KCNMA1: variants seen among roughly 807,000 people sequenced by gnomAD.
The protein encoded by KCNMA1 is Calcium-activated potassium channel subunit alpha-1.
KCNMA1 carries 29 observed loss-of-function variants against 140.0 expected under a neutral mutation model. That is an observed-to-expected ratio of 0.21 (90% CI 0.15 to 0.28). The LOEUF (loss-of-function observed/expected upper bound fraction) is 0.28, where lower values mean the gene tolerates loss of function less well. Among genes scored for constraint, KCNMA1 ranks in the 10% least tolerant of loss-of-function variants. The pLI, the probability that KCNMA1 is intolerant of heterozygous loss-of-function variation, is 1.00. For missense variants in KCNMA1, 880 were observed against 1,602.2 expected (o/e 0.55, Z 7.70); for synonymous variants, 612 against 611.9 (o/e 1.00, Z 0.00).
chr10:76,920,010 GTGTGTGTGTGTATATA>G (rs1173424387), intron 23 of KCNMA1, among the ~76,000 whole-genome samples: 6 of 54,812 alleles, frequency 1.1e-4, no homozygotes, highest in Admixed American at 7.3e-4. Context: ...GTGTGTGTGT[GTGTGTGTGTGTATATA>G]TATATATATA....
intron 3 of KCNMA1, among the ~76,000 whole-genome samples, chr10:77,205,866 G>C (rs1226201017): frequency 6.6e-6 from 1 of 152,166 alleles, no homozygotes; most frequent in Middle Eastern, 3.2e-3. Flanking sequence ...GTTATCACTA[G>C]CTTCTGAAGT....
chr10:77,019,521 G>C (rs2092583015), intron 16 of KCNMA1: 1 of 225,884 alleles, frequency 4.4e-6, no homozygotes, highest in Admixed American at 5.2e-5. Flanking sequence ...AAATGACAGA[G>C]CATTAATGGG....
intron 2 of KCNMA1, among the ~76,000 whole-genome samples, chr10:77,294,997 T>C (rs1209698094): frequency 6.6e-6 from 1 of 152,064 alleles, no homozygotes. Flanking sequence ...AAAGTAAAAA[T>C]ATGTTGTAGC....
intron 1 of KCNMA1, among the ~76,000 whole-genome samples, chr10:77,490,395 T>C (rs1433193774): frequency 1.3e-5 from 2 of 152,232 alleles, no homozygotes; most frequent in Non-Finnish European, 2.9e-5. Flanking sequence ...TTCCAGCAAG[T>C]GGCTCCAGCT....
chr10:76,957,317 C>G (rs1298163061), intron 20 of KCNMA1, among the ~76,000 whole-genome samples: 1 of 151,912 alleles, frequency 6.6e-6, no homozygotes, highest in Non-Finnish European at 1.5e-5. Context: ...ACCATACCAC[C>G]TAACCTAAGG....
At chr10:77,329,370 G>A (rs2085453965) in intron 2 of KCNMA1, among the ~76,000 whole-genome samples, 1 of 152,178 alleles carries the variant, frequency 6.6e-6, no homozygotes, top group South Asian at 2.1e-4. Flanking sequence ...TAGGTCATGA[G>A]AAGGATCTCT....
chr10:77,627,781 G>A (rs2154570621), intron 1 of KCNMA1, among the ~76,000 whole-genome samples: 1 of 152,314 alleles, frequency 6.6e-6, no homozygotes, highest in Non-Finnish European at 1.5e-5. Context: ...TCATCGTAAG[G>A]TGGGTTTGTC....
chr10:77,086,642 T>G, intron 10 of KCNMA1, 49 bp from the exon 11 acceptor site: 20 of 1,349,736 alleles, frequency 1.5e-5, no homozygotes, highest in Non-Finnish European at 1.9e-5. Context: ...ACTCGGGGGT[T>G]TCAGCCTCCA....
Position 77,115,812 on chromosome 10 carries a change from G to A in KCNMA1, c.885-3370C>T, listed in dbSNP as rs1471871176. On this transcript the variant is annotated intron_variant, in intron 6 of 27. Transcript: ENST00000286628. ...AAATCTGATTATTTTTATGACATCAGTATTATCACAGATCCCTAGGTTTAG... is the reference window on the plus strand; with the variant it reads ...AAATCTGATTATTTTTATGACATCAATATTATCACAGATCCCTAGGTTTAG... Among the ~76,000 whole-genome samples the A allele has an allele frequency of 2.6e-5, 4 of 152,184 alleles. No homozygotes were observed. In the East Asian group the frequency reaches 7.7e-4, roughly 29 times the overall value.
intron 1 of KCNMA1, among the ~76,000 whole-genome samples, chr10:77,480,306 A>C (rs2098365427): frequency 6.6e-6 from 1 of 152,220 alleles, no homozygotes. Context: ...GCAAGGATCC[A>C]GTTCCAGATT....
intron 6 of KCNMA1, among the ~76,000 whole-genome samples, chr10:77,118,592 G>C (rs1226531777): frequency 1.3e-5 from 2 of 152,124 alleles, no homozygotes; most frequent in African/African-American, 4.8e-5. Flanking sequence ...CATCTTCCTT[G>C]ATTAGAAGTC....
chr10:76,891,136 C>T (rs1589659068), intron 26 of KCNMA1, among the ~76,000 whole-genome samples: 3 of 152,338 alleles, frequency 2.0e-5, no homozygotes, highest in East Asian at 3.9e-4. Flanking sequence ...TGGCTGCATG[C>T]TGGCATCACC....
chr10:77,515,057 G>A (rs1244094237), intron 1 of KCNMA1, among the ~76,000 whole-genome samples: 2 of 152,170 alleles, frequency 1.3e-5, no homozygotes, highest in Admixed American at 6.5e-5. Context: ...GAATGCCCCA[G>A]AAGAGCTTAA....
At chr10:76,999,858 A>T (rs189872626) in intron 19 of KCNMA1, among the ~76,000 whole-genome samples, 1 of 152,260 alleles carries the variant, frequency 6.6e-6, no homozygotes, top group East Asian at 1.9e-4. Context: ...CCTAGATCAA[A>T]GTTTTCCAAA....
At chr10:77,554,238 T>C (rs547458273) in intron 1 of KCNMA1, among the ~76,000 whole-genome samples, 1 of 152,286 alleles carries the variant, frequency 6.6e-6, no homozygotes, top group East Asian at 1.9e-4. Context: ...TCAAAGGCTC[T>C]CTGAGGACAG....
chr10:77,418,495 C>T (rs771821512), intron 1 of KCNMA1, among the ~76,000 whole-genome samples: 4 of 152,184 alleles, frequency 2.6e-5, no homozygotes, highest in Non-Finnish European at 1.5e-5. Flanking sequence ...TTCAATCTGG[C>T]TTCTGATGAG....
intron 3 of KCNMA1, among the ~76,000 whole-genome samples, chr10:77,246,266 G>T (rs549991060): frequency 6.6e-6 from 1 of 152,284 alleles, no homozygotes; most frequent in South Asian, 2.1e-4. Context: ...ACATAGCTTG[G>T]GCTATGCCTG....
chr10:77,210,696 G>A (rs1427417347), intron 3 of KCNMA1, among the ~76,000 whole-genome samples: 1 of 152,108 alleles, frequency 6.6e-6, no homozygotes, highest in Non-Finnish European at 1.5e-5. Context: ...TGTTATAACT[G>A]ATCAATGATT....
chr10:77,083,719 C>A (rs1396586365), intron 12 of KCNMA1, among the ~76,000 whole-genome samples: 1 of 151,600 alleles, frequency 6.6e-6, no homozygotes, highest in Admixed American at 6.6e-5. Flanking sequence ...CCTATAGCCT[C>A]GGCTACTTGG....
Sources: gnomAD v4.1 joint callset for allele counts (sites outside exome capture counted in the v4.1 genomes callset) on GRCh38, gnomAD v4.1.1 for gene constraint, MANE v1.5 for transcripts, NCBI Gene and HGNC (gene_info 2026-07-23, HGNC 2026-07-21) for gene names.